The following HAUS4 variants were observed in gnomAD, a reference collection of about 807,000 sequenced individuals.
HAUS4 encodes the protein HAUS augmin like complex subunit 4, also known as HAUS augmin-like complex subunit 4.
HAUS4 carries 34 observed loss-of-function variants against 50.6 expected under a neutral mutation model. The observed-to-expected ratio is 0.67, with a 90% confidence interval of 0.51 to 0.90. The LOEUF is 0.90. HAUS4 is among the 40% of genes least tolerant of loss of function. The pLI is 0.00. For missense variants in HAUS4, 370 were observed against 428.7 expected, an observed-to-expected ratio of 0.86 and a Z score of 1.21; for synonymous variants, 149 against 161.4, an observed-to-expected ratio of 0.92 and a Z score of 0.58.
rs1276307067 is a variant in HAUS4 at position 22,947,965 on chromosome 14, T to C, written c.611A>G (p.Glu204Gly). The C allele has an allele frequency of 6.2e-7, 1 of 1,613,952 alleles. No individual in the cohort carries two copies. The highest frequency in any genetic ancestry group is 1.1e-5 in the South Asian group (1 of 91,080). The part of the protein sequence containing the change: ...VKAAKVWKLA[E>G]VLVGEQQQCQ... ...CTGCTGCTGCTCACCCACCAGGACC[T>C]CTGCGAGTTTCCACACCTTTGCTGC... The change falls in exon 7 of 10, where the codon GAG becomes GGG. Residue 204 changes from glutamate (E) to glycine (G), a missense_variant. Transcript: ENST00000541587.
At position 22,951,699 on chromosome 14, in the gene HAUS4, A is replaced by C. The variant is rs774825520; in HGVS notation, c.331-10T>G. The C allele has an allele frequency of 2.5e-6, 4 of 1,584,976 alleles. No individual in the cohort carries two copies. Among genetic ancestry groups the C allele is most frequent in the Non-Finnish European group, 3.4e-6 (4 of 1,167,278 alleles). ...CAAGGGTCTCATGAAACTGAGAGAG[A>C]GAGAATAAAAAACAAAAAGAGGCAA... On this transcript the variant is annotated splice_polypyrimidine_tract_variant and intron_variant, in intron 4 of 9. Transcript: ENST00000541587.
Position 22,947,140 on chromosome 14 carries a change from A to C in HAUS4, c.908+31T>G, listed in dbSNP as rs547501214. 190 of 1,365,710 alleles carry C rather than the reference A, an allele frequency of 1.4e-4. 2 individuals are homozygous for C. In the South Asian group the frequency reaches 2.1e-3, roughly 15 times the overall value. 84.6% of individuals were successfully genotyped at this position (1,365,710 alleles called of 1,614,324 possible). On this transcript the variant is annotated intron_variant, in intron 9 of 9. Coordinates refer to ENST00000541587, the MANE Select transcript of HAUS4 (RefSeq NM_001166269.2). Reference sequence around the variant, plus strand: ...TAGGGAATGTGAGAACCACCTGTGAACAGCTGTACCAGACTCTTAGGAGTT... The same window carrying C: ...TAGGGAATGTGAGAACCACCTGTGACCAGCTGTACCAGACTCTTAGGAGTT...
Position 22,955,163 on chromosome 14 carries a change from C to T in HAUS4, c.-9G>A. Reference sequence around the variant, plus strand: ...AAATCCCCGGATGCCATTTGATTTTCTTGGGATTCTAATCTGTGGAACCAA... The same window carrying T: ...AAATCCCCGGATGCCATTTGATTTTTTTGGGATTCTAATCTGTGGAACCAA... On this transcript the variant is annotated 5_prime_UTR_variant, in exon 2 of 10. Coordinates refer to ENST00000541587, the MANE Select transcript of HAUS4 (RefSeq NM_001166269.2). The T allele has an allele frequency of 1.9e-6, 3 of 1,604,664 alleles. No homozygotes were observed. The highest frequency in any genetic ancestry group is 2.6e-6 in the Non-Finnish European group (3 of 1,171,432).
chr14:22,951,950 C>T (rs1209423135), intron 4 of HAUS4, among the ~76,000 whole-genome samples: 3 of 152,192 alleles, frequency 2.0e-5, no homozygotes, highest in African/African-American at 7.2e-5. Flanking sequence ...CCCTAGATCA[C>T]ATCATCAGAC....
intron 1 of HAUS4, 71 bp from the exon 2 acceptor site, chr14:22,955,247 A>T: frequency 1.1e-6 from 1 of 936,874 alleles, no homozygotes; most frequent in African/African-American, 1.6e-5. Flanking sequence ...ACACTACCTT[A>T]TGTTCAAATT....
chr14:22,948,138 A>C (rs1249320022), intron 6 of HAUS4, 125 bp from the exon 7 acceptor site: 1 of 1,001,554 alleles, frequency 1.0e-6, no homozygotes, highest in Non-Finnish European at 1.4e-6. Flanking sequence ...GTTTTCTTCT[A>C]ATAATCTATT....
rs2044775638 is a variant in HAUS4 at position 22,952,614 on chromosome 14, T to C, written c.125A>G (p.Lys42Arg). ...ATGCTGTGAGAGATTCAGGAGAAGC[T>C]TGCTGAAGTATGGGTTCTGTAACAG... is the stretch of plus-strand genomic sequence containing the variant. ...EDLLQNPYFS[K>R]LLLNLSQHVD... is the part of the protein sequence containing the mutation. Residue 42 changes from lysine to arginine, a missense_variant, in exon 3 of 10, where the codon AAG (lysine) becomes AGG (arginine). Lys to Arg is a conservative substitution (Grantham distance 26). Transcript: ENST00000541587. 4 of 1,613,914 alleles carry C rather than the reference T, an allele frequency of 2.5e-6. No homozygotes were observed. The highest frequency in any genetic ancestry group is 3.4e-6 in the Non-Finnish European group (4 of 1,179,898).
Position 22,952,671 on chromosome 14 carries a change from T to C in HAUS4, c.68A>G (p.Gln23Arg). The C allele has an allele frequency of 6.2e-7, 1 of 1,602,544 alleles. No homozygotes were observed. The highest frequency in any genetic ancestry group is 8.5e-7 in the Non-Finnish European group (1 of 1,176,552). Residue 23 changes from glutamine to arginine, a missense_variant, in exon 3 of 10, where the codon CAA (glutamine) becomes CGA (arginine). By Grantham distance (43) the Gln-to-Arg change is conservative. Coordinates refer to ENST00000541587, the MANE Select transcript of HAUS4 (RefSeq NM_001166269.2). ...MEILQQVCSK[Q>R]LPPCNLSKED... ...TTTACTCAGGTTACAAGGAGGAAGT[T>C]GTTTGCTGCACACTTAACATCATGT...
intron 5 of HAUS4, among the ~76,000 whole-genome samples, chr14:22,951,321 A>C (rs1490285885): frequency 6.6e-6 from 1 of 152,018 alleles, no homozygotes; most frequent in Non-Finnish European, 1.5e-5. Flanking sequence ...TCTCTATATA[A>C]GCATGAAGGG....
Position 22,947,746 on chromosome 14 carries a change from G to A in HAUS4, c.709-15C>T. On this transcript the variant is annotated splice_polypyrimidine_tract_variant and intron_variant, in intron 7 of 9. Coordinates refer to ENST00000541587, the MANE Select transcript of HAUS4 (RefSeq NM_001166269.2). ...CGGAGAAGCACCTGAGCCCAAGATG[G>A]AGGAAGAAGAGGGCATAAATAAAGA... 1 of 1,613,706 alleles carries A rather than the reference G, an allele frequency of 6.2e-7. No individual in the cohort carries two copies. Among genetic ancestry groups the A allele is most frequent in the Non-Finnish European group, 8.5e-7 (1 of 1,179,956 alleles).
intron 2 of HAUS4, chr14:22,954,268 A>C (rs1257837819): frequency 1.3e-5 from 2 of 152,158 alleles, no homozygotes; most frequent in African/African-American, 2.4e-5. Flanking sequence ...CCAAATTTTC[A>C]TTCTTTGGAA....
At chr14:22,949,345 C>T (rs1440268725) in intron 6 of HAUS4, among the ~76,000 whole-genome samples, 6 of 151,406 alleles carry the variant, frequency 4.0e-5, no homozygotes, top group Admixed American at 2.6e-4. Flanking sequence ...CTGGCTAACA[C>T]GGTGAAACCC....
chr14:22,951,520 T>G, intron 5 of HAUS4, 35 bp downstream of exon 5: 1 of 1,607,836 alleles, frequency 6.2e-7, no homozygotes, highest in Non-Finnish European at 8.5e-7. Flanking sequence ...AATTAAACCA[T>G]TTCATTTATT....
At position 22,952,376 on chromosome 14, in the gene HAUS4, G is replaced by C; in HGVS notation, c.282C>G (p.Asp94Glu). Residue 94 changes from aspartate (D) to glutamate (E), a missense_variant, in exon 4 of 10, where the codon GAC becomes GAG. Transcript: ENST00000541587. ...LHRVIQELLVDYYVKIQDTNV... is the reference protein window; with the variant it reads ...LHRVIQELLVEYYVKIQDTNV... Reference sequence around the variant, plus strand: ...TTGTGTCTTGTATCTTCACATAGTAGTCCACAAGCAACTCTTGAATGACTC... The same window carrying C: ...TTGTGTCTTGTATCTTCACATAGTACTCCACAAGCAACTCTTGAATGACTC... 6.2e-7 allele frequency: 1 copy of C among 1,613,948 alleles called. No individual in the cohort carries two copies. Among genetic ancestry groups the C allele is most frequent in the Non-Finnish European group, 8.5e-7 (1 of 1,179,876 alleles).
intron 2 of HAUS4, chr14:22,954,355 T>C (rs2044819560): frequency 6.6e-6 from 1 of 152,076 alleles, no homozygotes; most frequent in African/African-American, 2.4e-5. Context: ...AATATGGAAA[T>C]AGTCAAGATA....
chr14:22,952,727 T>G (rs1566647677), intron 2 of HAUS4, 44 bp from the exon 3 acceptor site: 1 of 1,516,278 alleles, frequency 6.6e-7, no homozygotes, highest in Non-Finnish European at 8.9e-7. Context: ...AAAAAAGGTG[T>G]GGACTCTTAC....
chr14:22,954,880 C>T (rs1192403865), intron 2 of HAUS4, among the ~76,000 whole-genome samples: 1 of 152,080 alleles, frequency 6.6e-6, no homozygotes, highest in Non-Finnish European at 1.5e-5. Flanking sequence ...TACCCACCAC[C>T]ACGCCCAGCT....
intron 6 of HAUS4, among the ~76,000 whole-genome samples, chr14:22,948,397 G>A (rs1197600640): frequency 7.4e-6 from 1 of 134,472 alleles, no homozygotes; most frequent in Non-Finnish European, 1.6e-5. Context: ...CTGCAGTGAG[G>A]TGTGATTGTA....
intron 6 of HAUS4, among the ~76,000 whole-genome samples, chr14:22,948,533 C>T (rs2044689023): frequency 6.6e-6 from 1 of 151,192 alleles, no homozygotes; most frequent in Non-Finnish European, 1.5e-5. Flanking sequence ...GGATTTGGAC[C>T]TTAATTCTTT....
Sources: gnomAD v4.1 joint callset for allele counts (sites outside exome capture counted in the v4.1 genomes callset) on GRCh38, gnomAD v4.1.1 for gene constraint, MANE v1.5 for transcripts, NCBI Gene and HGNC (gene_info 2026-07-23, HGNC 2026-07-21) for gene names.